Variants in GRIA1 observed in about 807,000 individuals in gnomAD.
GRIA1 encodes the protein glutamate receptor 1.
In GRIA1, 31 loss-of-function variants were observed where a neutral mutation model predicts 99.2. The observed-to-expected ratio is 0.31, with a 90% CI of 0.23 to 0.42. The LOEUF is 0.42. Ranked by LOEUF, GRIA1 falls within the 10% of genes least tolerant of loss-of-function variation. The pLI is 1.00. For missense variants in GRIA1, 782 were observed against 1,157.5 expected, an observed-to-expected ratio of 0.68 and a Z score of 4.71; for synonymous variants, 438 against 432.4, an observed-to-expected ratio of 1.01 and a Z score of -0.16.
rs977966549 is a variant in GRIA1, at chr5:153,712,581, C to T, written c.1823+6514C>T. Among the ~76,000 whole-genome samples the T allele has an allele frequency of 1.3e-5, 2 of 152,142 alleles. 1 individual carries two copies. Among genetic ancestry groups the T allele is most frequent in the Non-Finnish European group, 2.9e-5 (2 of 68,024 alleles). Reference sequence around the variant, plus strand: ...GCTGTGCAAACCCATTTCTCTTGCTCTTCTTGATGTCACTGTAGTATTGTG... The same window carrying T: ...GCTGTGCAAACCCATTTCTCTTGCTTTTCTTGATGTCACTGTAGTATTGTG... On this transcript the variant is annotated intron_variant, in intron 11 of 15. Transcript: ENST00000285900.
At chr5:153,774,216 CA>C (rs1220062764) in intron 13 of GRIA1, among the ~76,000 whole-genome samples, 10 of 151,850 alleles carry the variant, frequency 6.6e-5, no homozygotes. Context: ...GTGCCTGTTC[CA>C]GCAATCCTAG....
At chr5:153,530,108 T>A (rs1209381255) in intron 2 of GRIA1, among the ~76,000 whole-genome samples, 1 of 152,184 alleles carries the variant, frequency 6.6e-6, no homozygotes, top group Non-Finnish European at 1.5e-5. Flanking sequence ...GATGGTCTCA[T>A]GTGTTCCATC....
At position 153,648,167 on chromosome 5, in the gene GRIA1, G is replaced by A. The variant is rs1561726248; in HGVS notation, c.460+1000G>A. 3.9e-5 allele frequency among the ~76,000 whole-genome samples: 6 copies of A among 152,280 alleles called. No homozygotes were observed. In the South Asian group the frequency reaches 1.2e-3, roughly 32 times the overall value. ...GTGAAAGTGATTTTTCAGGCAGTTA[G>A]GCAGGCGTCGTTCAGATGGGAAGGA... On this transcript the variant is annotated intron_variant, in intron 3 of 15. Coordinates refer to ENST00000285900, the MANE Select transcript of GRIA1 (RefSeq NM_000827.4).
At chr5:153,640,437 G>C (rs1288314039) in intron 2 of GRIA1, among the ~76,000 whole-genome samples, 3 of 152,186 alleles carry the variant, frequency 2.0e-5, no homozygotes, top group Non-Finnish European at 2.9e-5. Context: ...TGGCAACCTA[G>C]TCCCCACCCA....
chr5:153,791,466 A>C (rs1045970241), intron 13 of GRIA1, among the ~76,000 whole-genome samples: 2 of 152,032 alleles, frequency 1.3e-5, no homozygotes, highest in Non-Finnish European at 2.9e-5. Context: ...AAAGTTTAAA[A>C]AGGACTGAGT....
Position 153,737,596 on chromosome 5 carries a change from C to T in GRIA1, c.1824-26838C>T, listed in dbSNP as rs77266360. On this transcript the variant is annotated intron_variant, in intron 11 of 15. Coordinates refer to ENST00000285900, the MANE Select transcript of GRIA1 (RefSeq NM_000827.4). ...TCAGCCTCAGCCTGGTTTTCCTCAC[C>T]TGTAAAATAATCAGGACGAACTTCC... 1.1e-4 allele frequency among the ~76,000 whole-genome samples: 16 copies of T among 152,264 alleles called. 1 individual carries two copies. In the East Asian group the frequency reaches 3.1e-3, roughly 29 times the overall value.
At chr5:153,548,897 G>A (rs1759859109) in intron 2 of GRIA1, among the ~76,000 whole-genome samples, 2 of 152,078 alleles carry the variant, frequency 1.3e-5, no homozygotes, top group Admixed American at 1.3e-4. Flanking sequence ...CATCTTTCAT[G>A]TTAATAAATA....
chr5:153,784,918 G>T (rs1581653133), intron 13 of GRIA1, among the ~76,000 whole-genome samples: 1 of 152,106 alleles, frequency 6.6e-6, no homozygotes, highest in East Asian at 1.9e-4. Context: ...CTTTTCCTCG[G>T]CAGTGGCAGG....
At chr5:153,760,813 G>A (rs1037908034) in intron 11 of GRIA1, among the ~76,000 whole-genome samples, 6 of 152,032 alleles carry the variant, frequency 3.9e-5, no homozygotes, top group Non-Finnish European at 8.8e-5. Flanking sequence ...GATGGTACTG[G>A]CATTAAAACA....
intron 2 of GRIA1, among the ~76,000 whole-genome samples, chr5:153,616,007 G>A (rs1027959080): frequency 5.9e-5 from 9 of 152,070 alleles, no homozygotes; most frequent in Non-Finnish European, 1.2e-4. Flanking sequence ...GGATGGGAGT[G>A]GCTACAGAGG....
chr5:153,541,396 G>T (rs964814393), intron 2 of GRIA1, among the ~76,000 whole-genome samples: 3 of 152,162 alleles, frequency 2.0e-5, no homozygotes, highest in Admixed American at 2.0e-4. Flanking sequence ...TGTGCCAGGT[G>T]ACATGCTAGG....
At chr5:153,512,008 A>T (rs1462916631) in intron 2 of GRIA1, among the ~76,000 whole-genome samples, 1 of 152,240 alleles carries the variant, frequency 6.6e-6, no homozygotes, top group Admixed American at 6.5e-5. Context: ...AAACAAAGCA[A>T]ATCTGCTGCA....
Position 153,783,952 on chromosome 5 carries a change from C to G in GRIA1, c.2271-10669C>G, listed in dbSNP as rs776468759. On this transcript the variant is annotated intron_variant, in intron 13 of 15. Coordinates refer to ENST00000285900, the MANE Select transcript of GRIA1 (RefSeq NM_000827.4). Reference sequence around the variant, plus strand: ...AGCGTGTAAGATGACTAGGGTTCCACAAAGTGGTGAAGTGTCCTAGGTAGT... The same window carrying G: ...AGCGTGTAAGATGACTAGGGTTCCAGAAAGTGGTGAAGTGTCCTAGGTAGT... 1.3e-4 allele frequency among the ~76,000 whole-genome samples: 20 copies of G among 152,186 alleles called. 1 individual carries two copies. The highest frequency in any genetic ancestry group is 2.0e-4 in the Admixed American group (3 of 15,270).
intron 11 of GRIA1, among the ~76,000 whole-genome samples, chr5:153,760,169 A>G (rs138710685): frequency 9.2e-5 from 14 of 152,088 alleles, no homozygotes; most frequent in Non-Finnish European, 1.8e-4. Context: ...ACTTCTATTC[A>G]ACGTTGTACT....
At chr5:153,524,683 A>G (rs1007975083) in intron 2 of GRIA1, among the ~76,000 whole-genome samples, 4 of 152,212 alleles carry the variant, frequency 2.6e-5, no homozygotes, top group Admixed American at 6.5e-5. Flanking sequence ...ACTTTTTTAC[A>G]GTAGGCTTCT....
intron 8 of GRIA1, among the ~76,000 whole-genome samples, chr5:153,692,657 G>A (rs758124678): frequency 6.6e-5 from 10 of 152,192 alleles, no homozygotes; most frequent in Non-Finnish European, 1.3e-4. Context: ...CCCCTGGTCT[G>A]GATATGTATT....
At chr5:153,673,230 C>A (rs2149483941) in intron 5 of GRIA1, among the ~76,000 whole-genome samples, 1 of 152,326 alleles carries the variant, frequency 6.6e-6, no homozygotes, top group South Asian at 2.1e-4. Context: ...ACACAGGCAT[C>A]ACTTCACTCA....
chr5:153,601,939 A>G (rs1465699257), intron 2 of GRIA1, among the ~76,000 whole-genome samples: 1 of 152,224 alleles, frequency 6.6e-6, no homozygotes, highest in Non-Finnish European at 1.5e-5. Flanking sequence ...ACAATAGGAC[A>G]AAGTTGTTCT....
chr5:153,633,443 G>A (rs1372438603), intron 2 of GRIA1, among the ~76,000 whole-genome samples: 2 of 152,124 alleles, frequency 1.3e-5, no homozygotes, highest in Admixed American at 6.5e-5. Flanking sequence ...GAGAAACTTT[G>A]AAAAGCGATT....
Sources: allele counts gnomAD v4.1 joint callset (sites outside exome capture counted in the v4.1 genomes callset), GRCh38; gene constraint gnomAD v4.1.1; transcripts MANE v1.5; gene names NCBI Gene and HGNC (gene_info 2026-07-23, HGNC 2026-07-21).